The following EFNA3 variants were observed in gnomAD, a reference collection of about 807,000 sequenced individuals.
EFNA3 encodes the protein ephrin A3.
In EFNA3, 15 loss-of-function variants were observed where a neutral mutation model predicts 25.0. The observed-to-expected ratio is 0.60, with a 90% confidence interval of 0.40 to 0.92. The LOEUF is 0.92. Among genes scored for constraint, EFNA3 ranks in the 40% least tolerant of loss-of-function variants. The pLI, the probability that EFNA3 is intolerant of heterozygous loss-of-function variation, is 0.00. For missense variants in EFNA3, 298 were observed against 323.8 expected (o/e 0.92, Z 0.61); for synonymous variants, 153 against 145.6 (o/e 1.05, Z -0.37).
At position 155,078,917 on chromosome 1, in the gene EFNA3, GGC is replaced by G; in HGVS notation, c.-23_-22del. On this transcript the variant is annotated 5_prime_UTR_variant, in exon 1 of 5. Transcript: ENST00000368408. ...CCGGGAGCGCGGGGCTCAGTCGGGG[GGC>G]GGCGGCGGCGGCGGCTCCGGGGATG... is the stretch of plus-strand genomic sequence containing the variant. 7.3e-7 allele frequency: 1 copy of G among 1,361,452 alleles called. No individual in the cohort carries two copies. Among genetic ancestry groups the G allele is most frequent in the South Asian group, 1.8e-5 (1 of 54,280 alleles). The allele number at this position is 1,361,452 out of a possible 1,614,324, so 84.3% of individuals were successfully genotyped here. A position where few individuals can be genotyped will look rare whatever the true frequency, so the allele number is the denominator to read the frequency against.
At position 155,085,459 on chromosome 1, in the gene EFNA3, C is replaced by CG. The variant is rs1304816304; in HGVS notation, c.442+61dup. On this transcript the variant is annotated intron_variant, in intron 2 of 4. Coordinates refer to ENST00000368408, the MANE Select transcript of EFNA3 (RefSeq NM_004952.5). This position sits in a 1 kb window ranked among gnomAD's most constrained non-coding sequence, Gnocchi z 4.4. ...TGAACGCGAGAGTCTGAGTGACAGC[C>CG]GGGGGGTGGAGCCCCTAGGCTCCGG... 5.4e-6 allele frequency: 8 copies of CG among 1,472,206 alleles called. No individual in the cohort carries two copies. The highest frequency in any genetic ancestry group is 7.2e-6 in the Non-Finnish European group (8 of 1,106,258). The allele number at this position is 1,472,206 out of a possible 1,614,324, so 91.2% of individuals were successfully genotyped here. A position where few individuals can be genotyped will look rare whatever the true frequency, so the allele number is the denominator to read the frequency against.
intron 1 of EFNA3, 134 bp from the exon 2 acceptor site, chr1:155,084,957 G>A: frequency 1.0e-6 from 1 of 1,002,588 alleles, no homozygotes; most frequent in Non-Finnish European, 1.5e-6. Context: ...CAGAGACAGG[G>A]CTGAGCCGCG....
At position 155,086,622 on chromosome 1, in the gene EFNA3, G is replaced by A; in HGVS notation, c.*79G>A. ...GGAGCCTTTGGCCTCTCCAAGGGAAGCCTAGTGGGCCTAGACCCCTCCTCC... is the reference window on the plus strand; with the variant it reads ...GGAGCCTTTGGCCTCTCCAAGGGAAACCTAGTGGGCCTAGACCCCTCCTCC... On this transcript the variant is annotated 3_prime_UTR_variant, in exon 5 of 5. Coordinates refer to ENST00000368408, the MANE Select transcript of EFNA3 (RefSeq NM_004952.5). 6.4e-7 allele frequency: 1 copy of A among 1,550,848 alleles called. No individual in the cohort carries two copies. The highest frequency in any genetic ancestry group is 1.2e-5 in the South Asian group (1 of 83,374).
rs1250257496 is a variant in EFNA3 at position 155,085,208 on chromosome 1, G to A, written c.246G>A (p.Gly82=). ...GGGCGGGACCGGGGCCCGGAGGCGGGGCAGAGCAGTACGTGCTGTACATGG... is the reference window on the plus strand; with the variant it reads ...GGGCGGGACCGGGGCCCGGAGGCGGAGCAGAGCAGTACGTGCTGTACATGG... ...GPGAGPGPGG[G]AEQYVLYMVS... The change falls in exon 2 of 5, where the codon GGG becomes GGA. Residue 82 remains glycine, a synonymous_variant. Transcript: ENST00000368408. The surrounding 1 kb of genome is among the most constrained non-coding windows in gnomAD (Gnocchi z 4.4). 3 of 1,613,120 alleles carry A rather than the reference G, an allele frequency of 1.9e-6. No homozygotes were observed. Among genetic ancestry groups the A allele is most frequent in the Non-Finnish European group, 2.5e-6 (3 of 1,179,886 alleles).
Position 155,085,435 on chromosome 1 carries a change from G to C in EFNA3, c.442+31G>C, listed in dbSNP as rs778004544. On this transcript the variant is annotated intron_variant, in intron 2 of 4. Transcript: ENST00000368408. The surrounding 1 kb of genome is among the most constrained non-coding windows in gnomAD (Gnocchi z 4.4). ...TGACGGCGGCCGGGCGGGCGGGTCT[G>C]AACGCGAGAGTCTGAGTGACAGCCG... 21 of 1,520,322 alleles carry C rather than the reference G, an allele frequency of 1.4e-5. No homozygotes were observed. The East Asian group carries it at 3.1e-4, about 22-fold the overall frequency. The allele number at this position is 1,520,322 out of a possible 1,614,324, so 94.2% of individuals were successfully genotyped here.
In EFNA3 at chr1:155,079,261, C is replaced by T. The variant is rs1228624110; in HGVS notation, c.128+192C>T. Among the ~76,000 whole-genome samples the T allele has an allele frequency of 6.6e-6, 1 of 152,018 alleles. No homozygotes were observed. Among genetic ancestry groups the T allele is most frequent in the Non-Finnish European group, 1.5e-5 (1 of 67,976 alleles). ...GGGGGTGTCTGAAGAGGCTGTTGGGCTATAGTAAGGAGCGCTCGGGCCGTG... is the reference window on the plus strand; with the variant it reads ...GGGGGTGTCTGAAGAGGCTGTTGGGTTATAGTAAGGAGCGCTCGGGCCGTG... On this transcript the variant is annotated intron_variant, in intron 1 of 4. Coordinates refer to ENST00000368408, the MANE Select transcript of EFNA3 (RefSeq NM_004952.5). This position sits in a 1 kb window ranked among gnomAD's most constrained non-coding sequence, Gnocchi z 7.7.
rs1024248274 is a variant in EFNA3 at position 155,085,020 on chromosome 1, C to T, written c.129-71C>T. The T allele has an allele frequency of 1.7e-5, 26 of 1,540,372 alleles. No homozygotes were observed. Among genetic ancestry groups the T allele is most frequent in the African/African-American group, 4.1e-5 (3 of 72,764 alleles). ...CTACGCGGACCCTGGGGAGGGGCTG[C>T]GGAGCGGTCAGATGGAAAGCGGCTT... On this transcript the variant is annotated intron_variant, in intron 1 of 4. Coordinates refer to ENST00000368408, the MANE Select transcript of EFNA3 (RefSeq NM_004952.5). This position sits in a 1 kb window ranked among gnomAD's most constrained non-coding sequence, Gnocchi z 4.4.
chr1:155,086,390 T>C (rs1414542333), intron 4 of EFNA3, 23 bp from the exon 5 acceptor site: 1 of 1,612,946 alleles, frequency 6.2e-7, no homozygotes, highest in Non-Finnish European at 8.5e-7. Context: ...CCCTCACCAG[T>C]CTGTCTGTTC....
rs2102451530 is a variant in EFNA3 at position 155,081,270 on chromosome 1, C to T, written c.128+2201C>T. ...GGAGAGACCTGTTCCCAATCTGGCC[C>T]AGAAACTAGGGATGGGGGGACTGTA... On this transcript the variant is annotated intron_variant, in intron 1 of 4. Transcript: ENST00000368408. This position sits in a 1 kb window ranked among gnomAD's most constrained non-coding sequence, Gnocchi z 5.2. Among the ~76,000 whole-genome samples, 1 of 152,318 alleles carries T rather than the reference C, an allele frequency of 6.6e-6. No individual in the cohort carries two copies. The highest frequency in any genetic ancestry group is 2.1e-4 in the South Asian group (1 of 4,826).
chr1:155,079,738 G>A lies in EFNA3; in HGVS notation c.128+669G>A, dbSNP rs1663305069. On this transcript the variant is annotated intron_variant, in intron 1 of 4. Transcript: ENST00000368408. This position sits in a 1 kb window ranked among gnomAD's most constrained non-coding sequence, Gnocchi z 7.7. Reference sequence around the variant, plus strand: ...ACACGCACACACACGCCCGGGCTGGGGACGGCGAATGGCTCCAAGTGTGAG... The same window carrying A: ...ACACGCACACACACGCCCGGGCTGGAGACGGCGAATGGCTCCAAGTGTGAG... Among the ~76,000 whole-genome samples, 2 of 152,158 alleles carry A rather than the reference G, an allele frequency of 1.3e-5. No individual in the cohort carries two copies. Among genetic ancestry groups the A allele is most frequent in the African/African-American group, 4.8e-5 (2 of 41,424 alleles).
Position 155,086,418 on chromosome 1 carries a change from T to A in EFNA3, c.592T>A (p.Phe198Ile). 6.2e-7 allele frequency: 1 copy of A among 1,614,018 alleles called. No homozygotes were observed. The highest frequency in any genetic ancestry group is 2.2e-5 in the East Asian group (1 of 44,878). The change falls in exon 5 of 5, where the codon TTT becomes ATT. Residue 198 changes from phenylalanine to isoleucine, a missense_variant. Coordinates refer to ENST00000368408, the MANE Select transcript of EFNA3 (RefSeq NM_004952.5). Reference protein sequence around the residue: ...PNVKINVLEDFEGENPQVPKL... With the variant: ...PNVKINVLEDIEGENPQVPKL... ...GTCTGTTCCTCTGTCCACAGAAGAC[T>A]TTGAGGGAGAGAACCCTCAGGTGCC...
intron 1 of EFNA3, among the ~76,000 whole-genome samples, chr1:155,083,676 A>AC (rs1017232987): frequency 1.3e-5 from 2 of 151,952 alleles, no homozygotes; most frequent in Admixed American, 1.3e-4. Flanking sequence ...GGGGGGAGGG[A>AC]CCCCCAAGGC....
intron 4 of EFNA3, 97 bp downstream of exon 4, chr1:155,086,302 T>TA (rs1663460775): frequency 6.3e-7 from 1 of 1,595,624 alleles, no homozygotes; most frequent in Non-Finnish European, 8.6e-7. Flanking sequence ...GGGGCACTGA[T>TA]ACTTCCTACC....
chr1:155,079,197 C>T lies in EFNA3; in HGVS notation c.128+128C>T, dbSNP rs925456238. On this transcript the variant is annotated intron_variant, in intron 1 of 4. Coordinates refer to ENST00000368408, the MANE Select transcript of EFNA3 (RefSeq NM_004952.5). The surrounding 1 kb of genome is among the most constrained non-coding windows in gnomAD (Gnocchi z 7.7). ...ACCAGAGCTGGGGGCTGGGAGGGGA[C>T]GGAGAGGGGGACGCACTCTGTGGGC... The T allele has an allele frequency of 5.9e-6, 6 of 1,024,518 alleles. No individual in the cohort carries two copies. In the Admixed American group the frequency reaches 1.8e-4, roughly 30 times the overall value. The allele number at this position is 1,024,518 out of a possible 1,614,324, so 63.5% of individuals were successfully genotyped here.
In EFNA3 at chr1:155,079,126, T is replaced by G; in HGVS notation, c.128+57T>G. On this transcript the variant is annotated intron_variant, in intron 1 of 4. Coordinates refer to ENST00000368408, the MANE Select transcript of EFNA3 (RefSeq NM_004952.5). The surrounding 1 kb of genome is among the most constrained non-coding windows in gnomAD (Gnocchi z 7.7). The stretch of plus-strand genomic sequence containing the variant: ...CCGTCTCAGTGAGAGGGGGAGCCGG[T>G]GGGCCCGAGAAGTCCTGGGGGATCC... 1 of 1,262,952 alleles carries G rather than the reference T, an allele frequency of 7.9e-7. No homozygotes were observed. Among genetic ancestry groups the G allele is most frequent in the South Asian group, 2.9e-5 (1 of 34,730 alleles). The allele number at this position is 1,262,952 out of a possible 1,614,324, so 78.2% of individuals were successfully genotyped here. A position where few individuals can be genotyped will look rare whatever the true frequency, so the allele number is the denominator to read the frequency against.
chr1:155,084,324 G>A (rs778404614), intron 1 of EFNA3, among the ~76,000 whole-genome samples: 2 of 152,216 alleles, frequency 1.3e-5, no homozygotes, highest in Non-Finnish European at 2.9e-5. Flanking sequence ...TCTGTCACGG[G>A]ACTCAAGGTA....
At chr1:155,083,503 A>T (rs1663382946) in intron 1 of EFNA3, among the ~76,000 whole-genome samples, 1 of 152,216 alleles carries the variant, frequency 6.6e-6, no homozygotes, top group African/African-American at 2.4e-5. Flanking sequence ...CATTAATCCC[A>T]TGGGAACAGA....
At chr1:155,086,299 T>C (rs1443715015) in intron 4 of EFNA3, 94 bp downstream of exon 4, 107 of 1,594,306 alleles carry the variant, frequency 6.7e-5, no homozygotes, top group Non-Finnish European at 8.7e-5. Flanking sequence ...CTGGGGGCAC[T>C]GATACTTCCT....
chr1:155,085,694 T>G lies in EFNA3; in HGVS notation c.443-183T>G. On this transcript the variant is annotated intron_variant, in intron 2 of 4. Transcript: ENST00000368408. This position sits in a 1 kb window ranked among gnomAD's most constrained non-coding sequence, Gnocchi z 4.4. Reference sequence around the variant, plus strand: ...TCAGGGATCCCAGTTTCTTGAGGGGTGGGACCAAAGGGGCGTCTAGGGCCG... The same window carrying G: ...TCAGGGATCCCAGTTTCTTGAGGGGGGGGACCAAAGGGGCGTCTAGGGCCG... The G allele has an allele frequency of 1.4e-6, 1 of 717,812 alleles. No homozygotes were observed. The allele number at this position is 717,812 out of a possible 1,614,324, so 44.5% of individuals were successfully genotyped here. A position where few individuals can be genotyped will look rare whatever the true frequency, so the allele number is the denominator to read the frequency against.
Sources: allele counts gnomAD v4.1 joint callset (sites outside exome capture counted in the v4.1 genomes callset), GRCh38; gene constraint gnomAD v4.1.1; non-coding constraint Gnocchi (gnomAD v3.1); transcripts MANE v1.5; gene names NCBI Gene and HGNC (gene_info 2026-07-23, HGNC 2026-07-21).